Variants in TMEM132B observed in about 807,000 individuals in gnomAD.
The protein encoded by TMEM132B is transmembrane protein 132B.
In TMEM132B, 18 loss-of-function variants were observed where a neutral mutation model predicts 90.8. That is an observed-to-expected ratio of 0.20 (90% CI 0.14 to 0.29). TMEM132B has a LOEUF of 0.29. TMEM132B is among the 10% of genes least tolerant of loss of function. TMEM132B has a pLI of 1.00. For synonymous variants in TMEM132B, 504 were observed against 523.3 expected, an observed-to-expected ratio of 0.96 and a Z score of 0.50; for missense variants, 1,096 against 1,326.8, an observed-to-expected ratio of 0.83 and a Z score of 2.70.
chr12:125,304,463 A>AAT (rs1403442634), intron 1 of TMEM132B, among the ~76,000 whole-genome samples: 1 of 152,106 alleles, frequency 6.6e-6, no homozygotes, highest in Non-Finnish European at 1.5e-5. Context: ...TGGATTTTGC[A>AAT]ATGACTTCAT....
chr12:125,291,493 G>T (rs1048037005), intron 1 of TMEM132B, among the ~76,000 whole-genome samples: 2 of 152,186 alleles, frequency 1.3e-5, no homozygotes, highest in Non-Finnish European at 2.9e-5. Context: ...GATGGAGGGG[G>T]CATGTCACCA....
intron 2 of TMEM132B, among the ~76,000 whole-genome samples, chr12:125,354,435 C>T (rs1482597499): frequency 6.6e-6 from 1 of 152,180 alleles, no homozygotes; most frequent in African/African-American, 2.4e-5. Context: ...CCTTTAGCTG[C>T]ATCATAAACT....
intron 1 of TMEM132B, among the ~76,000 whole-genome samples, chr12:125,341,653 G>T (rs1877183662): frequency 6.6e-6 from 1 of 152,182 alleles, no homozygotes; most frequent in Admixed American, 6.5e-5. Context: ...TGTTTACTCA[G>T]TAGTGTCCAT....
At chr12:125,401,618 C>G (rs1327153872) in intron 2 of TMEM132B, among the ~76,000 whole-genome samples, 1 of 152,100 alleles carries the variant, frequency 6.6e-6, no homozygotes, top group Non-Finnish European at 1.5e-5. Flanking sequence ...GTTTTAGGAA[C>G]CACGAGGAGC....
Position 125,471,888 on chromosome 12 carries a change from G to A in TMEM132B, c.1107-47551G>A, listed in dbSNP as rs114415832. Among the ~76,000 whole-genome samples, 1,009 of 152,268 alleles carry A rather than the reference G, an allele frequency of 6.6e-3. 11 individuals carry two copies. Among genetic ancestry groups the A allele is most frequent in the African/African-American group, 0.022 (926 of 41,560 alleles). On this transcript the variant is annotated intron_variant, in intron 3 of 8. Coordinates refer to ENST00000682704, the MANE Select transcript of TMEM132B (RefSeq NM_001366854.1). The stretch of plus-strand genomic sequence containing the variant: ...CACAAGGGGTACAGGGTAAAGGCAC[G>A]ATTCATTTCTTGGTCTGATTCCAGA...
At chr12:125,327,214 C>T (rs541399403) in intron 1 of TMEM132B, among the ~76,000 whole-genome samples, 1 of 152,252 alleles carries the variant, frequency 6.6e-6, no homozygotes, top group East Asian at 1.9e-4. Context: ...GCTCACAGGT[C>T]TCTCCTGAGC....
intron 1 of TMEM132B, among the ~76,000 whole-genome samples, chr12:125,212,985 G>C (rs1873355687): frequency 1.3e-5 from 2 of 152,040 alleles, no homozygotes; most frequent in African/African-American, 4.8e-5. Context: ...GTGGCATTTG[G>C]TACATTTATA....
At chr12:125,617,533 C>T (rs749614214) in intron 5 of TMEM132B, among the ~76,000 whole-genome samples, 13 of 151,872 alleles carry the variant, frequency 8.6e-5, no homozygotes, top group African/African-American at 1.7e-4. Context: ...TTAGTAGAGA[C>T]GGGGTTTCTC....
chr12:125,415,575 G>C lies in TMEM132B; in HGVS notation c.1004G>C (p.Ser335Thr). 6.2e-7 allele frequency: 1 copy of C among 1,614,212 alleles called. No homozygotes were observed. The highest frequency in any genetic ancestry group is 8.5e-7 in the Non-Finnish European group (1 of 1,180,044). Residue 335 changes from serine (S) to threonine (T), a missense_variant, in exon 3 of 9, where the codon AGC becomes ACC. Transcript: ENST00000682704. This position sits in a 1 kb window ranked among gnomAD's most constrained non-coding sequence, Gnocchi z 5.3. ...AGVKITAVRV[S>T]SEDQWAVQEE... ...GTGAAGATAACGGCAGTGAGAGTCAGCAGTGAGGACCAATGGGCAGTCCAG... is the reference window on the plus strand; with the variant it reads ...GTGAAGATAACGGCAGTGAGAGTCACCAGTGAGGACCAATGGGCAGTCCAG...
intron 1 of TMEM132B, among the ~76,000 whole-genome samples, chr12:125,237,919 C>T (rs1166325665): frequency 6.6e-6 from 1 of 152,166 alleles, no homozygotes; most frequent in Non-Finnish European, 1.5e-5. Context: ...CTGTCATGGC[C>T]TCCTCCGCTG....
rs371102122 is a variant in TMEM132B, at chr12:125,639,970, G to A, written c.1438-4106G>A. The stretch of plus-strand genomic sequence containing the variant: ...GGGGGTCCAGGTGGGCTGGTCCAGC[G>A]GCTCCTCTAGGCCATCGAGGGCCCG... On this transcript the variant is annotated intron_variant, in intron 5 of 8. Coordinates refer to ENST00000682704, the MANE Select transcript of TMEM132B (RefSeq NM_001366854.1). Among the ~76,000 whole-genome samples, 184 of 152,248 alleles carry A rather than the reference G, an allele frequency of 1.2e-3. 2 individuals are homozygous for A. The highest frequency in any genetic ancestry group is 3.6e-3 in the African/African-American group (150 of 41,554).
At chr12:125,363,470 G>A (rs1050958287) in intron 2 of TMEM132B, among the ~76,000 whole-genome samples, 6 of 152,168 alleles carry the variant, frequency 3.9e-5, no homozygotes, top group African/African-American at 1.4e-4. Context: ...TGTGGGGTCT[G>A]CCTCCCCGTT....
At chr12:125,320,010 C>A (rs1295649214) in intron 1 of TMEM132B, among the ~76,000 whole-genome samples, 2 of 149,532 alleles carry the variant, frequency 1.3e-5, no homozygotes, top group African/African-American at 4.8e-5. Context: ...GAGCAAGACC[C>A]TGCCTAAAAA....
At chr12:125,618,472 A>T (rs1372296733) in intron 5 of TMEM132B, among the ~76,000 whole-genome samples, 1 of 152,182 alleles carries the variant, frequency 6.6e-6, no homozygotes, top group African/African-American at 2.4e-5. Flanking sequence ...TAAGAGCCCC[A>T]TCTTTGACCA....
intron 2 of TMEM132B, among the ~76,000 whole-genome samples, chr12:125,355,238 C>T (rs1014137640): frequency 5.3e-5 from 8 of 152,208 alleles, no homozygotes; most frequent in African/African-American, 1.9e-4. Flanking sequence ...AATATTTACT[C>T]AGAGCTTACT....
chr12:125,254,231 C>T (rs1874379129), intron 1 of TMEM132B, among the ~76,000 whole-genome samples: 1 of 151,800 alleles, frequency 6.6e-6, no homozygotes, highest in Admixed American at 6.6e-5. Context: ...CAGTGAGCCA[C>T]GTTTGTGCCA....
At chr12:125,456,322 C>A (rs141615761) in intron 3 of TMEM132B, among the ~76,000 whole-genome samples, 20 of 152,308 alleles carry the variant, frequency 1.3e-4, no homozygotes, top group African/African-American at 4.6e-4. Context: ...GGACGAATCC[C>A]CAGACCATTA....
intron 3 of TMEM132B, among the ~76,000 whole-genome samples, chr12:125,505,205 G>A (rs1882816178): frequency 7.6e-6 from 1 of 132,414 alleles, no homozygotes; most frequent in Non-Finnish European, 1.6e-5. Context: ...ACAGTAAGTG[G>A]GGACTTGTGC....
chr12:125,267,326 C>A (rs938961929), intron 1 of TMEM132B, among the ~76,000 whole-genome samples: 1 of 151,964 alleles, frequency 6.6e-6, no homozygotes, highest in Non-Finnish European at 1.5e-5. Flanking sequence ...AGTGCAGGGC[C>A]GCGAATTTCC....
Sources: allele counts gnomAD v4.1 joint callset (sites outside exome capture counted in the v4.1 genomes callset), GRCh38; gene constraint gnomAD v4.1.1; non-coding constraint Gnocchi (gnomAD v3.1); transcripts MANE v1.5; gene names NCBI Gene and HGNC (gene_info 2026-07-23, HGNC 2026-07-21).